TSPAN7: variants seen among roughly 807,000 people sequenced by gnomAD.
TSPAN7 encodes the protein tetraspanin-7.
A neutral mutation model predicts 17.6 loss-of-function variants in TSPAN7; 1 was observed. That is an observed-to-expected ratio of 0.06 (90% CI 0.02 to 0.27). The LOEUF is 0.27. TSPAN7 is among the 10% of genes least tolerant of loss of function. The pLI is 1.00. For missense variants in TSPAN7, 112 were observed against 201.7 expected, an observed-to-expected ratio of 0.56 and a Z score of 2.69; for synonymous variants, 78 against 79.0, an observed-to-expected ratio of 0.99 and a Z score of 0.07.
chrX:38,678,943 G>A (rs1008464191), intron 5 of TSPAN7, among the ~76,000 whole-genome samples: 10 of 111,683 alleles, frequency 9.0e-5, no homozygotes, highest in African/African-American at 2.9e-4. Context: ...GGTCTGGGGT[G>A]GAGCCTCCAA....
chrX:38,646,146 T>TA (rs752134715), intron 1 of TSPAN7: 14,822 of 526,566 alleles, frequency 0.028, 2 homozygotes, highest in East Asian at 0.04. Context: ...GTACTTTCTA[T>TA]AAAAAAAAAA....
intron 1 of TSPAN7, among the ~76,000 whole-genome samples, chrX:38,664,236 GA>G (rs1287645852): frequency 9.0e-6 from 1 of 111,387 alleles, no homozygotes; most frequent in African/African-American, 3.3e-5. Flanking sequence ...CCAGAGAAAT[GA>G]AAAAAATATA....
At chrX:38,626,693 G>T (rs1391054215) in intron 1 of TSPAN7, among the ~76,000 whole-genome samples, 1 of 112,061 alleles carries the variant, frequency 8.9e-6, no homozygotes, top group Non-Finnish European at 1.9e-5. Flanking sequence ...ACAATGGGAA[G>T]ACTTTGGGTA....
chrX:38,583,748 T>G lies in TSPAN7; in HGVS notation c.81+22121T>G, dbSNP rs145225889. On this transcript the variant is annotated intron_variant, in intron 1 of 7. Coordinates refer to ENST00000378482, the MANE Select transcript of TSPAN7 (RefSeq NM_004615.4). ...AATTCAGATGATGCAGAATTCAGTG[T>G]TTTTTGCTATTTGCTGACCATTGTT... Among the ~76,000 whole-genome samples the G allele has an allele frequency of 9.5e-3, 1,040 of 109,913 alleles. 10 individuals carry two copies. Among genetic ancestry groups the G allele is most frequent in the African/African-American group, 0.033 (995 of 30,190 alleles).
intron 1 of TSPAN7, among the ~76,000 whole-genome samples, chrX:38,595,466 A>G (rs1430929059): frequency 8.9e-6 from 1 of 112,188 alleles, no homozygotes; most frequent in Non-Finnish European, 1.9e-5. Context: ...CTAAGATGTG[A>G]TGTCCTCATT....
chrX:38,597,253 C>T (rs2069322848), intron 1 of TSPAN7, among the ~76,000 whole-genome samples: 2 of 111,537 alleles, frequency 1.8e-5, no homozygotes, highest in Non-Finnish European at 3.8e-5. Flanking sequence ...TGCACATTCC[C>T]TGTTAAAGTC....
At chrX:38,631,216 A>G (rs1401491909) in intron 1 of TSPAN7, among the ~76,000 whole-genome samples, 1 of 110,862 alleles carries the variant, frequency 9.0e-6, no homozygotes, top group African/African-American at 3.3e-5. Flanking sequence ...TTTGAGAAAA[A>G]TGTAAAGAAC....
At chrX:38,649,010 T>C (rs1345651960) in intron 1 of TSPAN7, among the ~76,000 whole-genome samples, 3 of 111,822 alleles carry the variant, frequency 2.7e-5, no homozygotes, top group African/African-American at 6.5e-5. Context: ...ATGTGCTTGC[T>C]TTTTTATTTA....
chrX:38,633,826 A>G (rs1419226054), intron 1 of TSPAN7, among the ~76,000 whole-genome samples: 1 of 112,443 alleles, frequency 8.9e-6, no homozygotes, highest in Non-Finnish European at 1.9e-5. Flanking sequence ...TTTAATACCT[A>G]TAGATTATAT....
chrX:38,578,062 T>G (rs1363294091), intron 1 of TSPAN7, among the ~76,000 whole-genome samples: 1 of 110,767 alleles, frequency 9.0e-6, no homozygotes, highest in African/African-American at 3.3e-5. Flanking sequence ...CCTCCTCTCT[T>G]AAACCCCCTT....
chrX:38,600,480 T>C (rs1232620327), intron 1 of TSPAN7, among the ~76,000 whole-genome samples: 2 of 111,655 alleles, frequency 1.8e-5, no homozygotes, highest in Non-Finnish European at 3.8e-5. Flanking sequence ...TCTTTGGCCC[T>C]TTGTTCTGTT....
intron 1 of TSPAN7, among the ~76,000 whole-genome samples, chrX:38,650,570 C>A (rs770771979): frequency 1.1e-4 from 12 of 112,274 alleles, no homozygotes; most frequent in African/African-American, 3.9e-4. Flanking sequence ...AGGACTCAAC[C>A]ATTCTGGCCC....
intron 1 of TSPAN7, among the ~76,000 whole-genome samples, chrX:38,663,308 C>T (rs754750836): frequency 8.9e-6 from 1 of 111,922 alleles, no homozygotes; most frequent in African/African-American, 3.2e-5. Flanking sequence ...AAATGGAAAA[C>T]CAAACATCGT....
intron 4 of TSPAN7, among the ~76,000 whole-genome samples, chrX:38,674,869 T>G (rs2069843183): frequency 9.0e-6 from 1 of 111,594 alleles, no homozygotes; most frequent in Non-Finnish European, 1.9e-5. Flanking sequence ...CAAGCATAAC[T>G]GCCCATCAGG....
At chrX:38,663,973 T>C (rs2069766268) in intron 1 of TSPAN7, among the ~76,000 whole-genome samples, 1 of 112,757 alleles carries the variant, frequency 8.9e-6, no homozygotes, top group Admixed American at 9.4e-5. Context: ...AGCAATACCA[T>C]GAAGTCACAA....
intron 3 of TSPAN7, among the ~76,000 whole-genome samples, 192 bp from the exon 4 acceptor site, chrX:38,674,029 A>T (rs1166300560): frequency 9.0e-6 from 1 of 111,502 alleles, no homozygotes; most frequent in Admixed American, 9.5e-5. Context: ...ACAATTTTTT[A>T]AATTCCGGAG....
chrX:38,679,271 C>G (rs61643053), intron 5 of TSPAN7, among the ~76,000 whole-genome samples: 11,253 of 111,691 alleles, frequency 0.1, 1,365 homozygotes, highest in African/African-American at 0.35. Context: ...GCTTCTCTCT[C>G]AGTTGTATTA....
chrX:38,569,941 C>T (rs2069161536), intron 1 of TSPAN7, among the ~76,000 whole-genome samples: 1 of 111,732 alleles, frequency 8.9e-6, no homozygotes, highest in Non-Finnish European at 1.9e-5. Context: ...AATATTGGTA[C>T]CCAGTTTTCA....
chrX:38,602,618 A>G (rs1471122010), intron 1 of TSPAN7, among the ~76,000 whole-genome samples: 8 of 112,397 alleles, frequency 7.1e-5, no homozygotes, highest in African/African-American at 2.6e-4. Flanking sequence ...GGCAAACAAA[A>G]GTTTCTGACA....
Sources: allele counts gnomAD v4.1 joint callset (sites outside exome capture counted in the v4.1 genomes callset), GRCh38; gene constraint gnomAD v4.1.1; transcripts MANE v1.5; gene names NCBI Gene and HGNC (gene_info 2026-07-23, HGNC 2026-07-21).